ZSCAN5C: variants seen among roughly 807,000 people sequenced by gnomAD.
ZSCAN5C encodes the protein zinc finger and SCAN domain containing 5C, also known as zinc finger and SCAN domain-containing protein 5C.
Under a neutral mutation model 17.3 loss-of-function variants are expected in ZSCAN5C, and 11 were observed. That is an observed-to-expected ratio of 0.64 (90% CI 0.40 to 1.06). The LOEUF (loss-of-function observed/expected upper bound fraction) is 1.06. Among genes scored for constraint, ZSCAN5C ranks in the 50% least tolerant of loss-of-function variants. ZSCAN5C has a pLI of 0.00. For missense variants in ZSCAN5C, 698 were observed against 538.9 expected (o/e 1.30, Z -2.92); for synonymous variants, 229 against 208.4 (o/e 1.10, Z -0.85).
chr19:56,208,333 G>A (rs1405854380), intron 4 of ZSCAN5C, 116 bp from the exon 5 acceptor site: 5 of 759,586 alleles, frequency 6.6e-6, no homozygotes, highest in Non-Finnish European at 1.1e-5. Context: ...ACAGTCCAAT[G>A]TCTTAGGTTT....
rs58447248 is a variant in ZSCAN5C at position 56,207,270 on chromosome 19, T to C, written c.588+8T>C. ...GCACTGTTCAGGAGGCAGGTGGGTG[T>C]GTGAGGCCTTGGTGTCTGGGCAGAG... On this transcript the variant is annotated splice_region_variant and intron_variant, in intron 3 of 4. Coordinates refer to ENST00000534327, the Ensembl canonical transcript of ZSCAN5C. The C allele has an allele frequency of 8.5e-4, 653 of 772,610 alleles. 12 individuals carry two copies. The East Asian group carries it at 0.014, about 17-fold the overall frequency. 47.9% of individuals were successfully genotyped at this position (772,610 alleles called of 1,614,324 possible).
intron 1 of ZSCAN5C, among the ~76,000 whole-genome samples, chr19:56,204,465 TGAC>T (rs2032900788): frequency 6.6e-6 from 1 of 151,722 alleles, no homozygotes; most frequent in African/African-American, 2.4e-5. Context: ...TGATGAGTGA[TGAC>T]GAGCACCTTT....
At chr19:56,205,698 G>C (rs1302534882) in intron 1 of ZSCAN5C, 89 bp from the exon 2 acceptor site, 3 of 539,844 alleles carry the variant, frequency 5.6e-6, no homozygotes, top group Non-Finnish European at 9.9e-6. Flanking sequence ...TAGAGGGGAA[G>C]TGGGGTCTGG....
intron 1 of ZSCAN5C, among the ~76,000 whole-genome samples, chr19:56,203,640 ATTTTTT>A (rs564406569): frequency 1.2e-5 from 1 of 86,814 alleles, no homozygotes; most frequent in African/African-American, 4.9e-5. Flanking sequence ...TCTACTGGGA[ATTTTTT>A]TTTTTTTTTT....
chr19:56,203,727 A>G (rs12974728), intron 1 of ZSCAN5C, among the ~76,000 whole-genome samples: 49,463 of 143,556 alleles, frequency 0.34, 8,496 homozygotes, highest in Middle Eastern at 0.55. Flanking sequence ...TCTGTTCACC[A>G]CAACCTCTGG....
exon 5 of ZSCAN5C, chr19:56,208,479 A>T: frequency 6.1e-6 from 9 of 1,470,366 alleles, no homozygotes; most frequent in African/African-American, 1.4e-5. Context: ...GAGGGGAAGG[A>T]ACCCCAAAAA....
rs2032926967 is a variant in ZSCAN5C at position 56,206,865 on chromosome 19, C to A, written c.385-194C>A. 1.3e-5 allele frequency among the ~76,000 whole-genome samples: 2 copies of A among 151,822 alleles called. 1 individual carries two copies. Among genetic ancestry groups the A allele is most frequent in the African/African-American group, 4.9e-5 (2 of 41,154 alleles). On this transcript the variant is annotated intron_variant, in intron 2 of 4. Transcript: ENST00000534327. ...CTCTTTTCTCTTTGGTTTAGAGACC[C>A]TTTCATCTAAAGGACTCATATTTAT...
exon 2 of ZSCAN5C, chr19:56,206,227 T>A (rs767804047): frequency 1.3e-4 from 198 of 1,573,764 alleles, no homozygotes; most frequent in African/African-American, 3.3e-4. Flanking sequence ...GTCTTAGTCA[T>A]GATGAACGGT....
chr19:56,207,285 T>G, intron 3 of ZSCAN5C, 23 bp downstream of exon 3: 1 of 763,458 alleles, frequency 1.3e-6, no homozygotes, highest in Non-Finnish European at 2.4e-6. Flanking sequence ...GGCCTTGGTG[T>G]CTGGGCAGAG....
At chr19:56,205,110 G>A (rs1230326571) in intron 1 of ZSCAN5C, among the ~76,000 whole-genome samples, 1 of 151,716 alleles carries the variant, frequency 6.6e-6, no homozygotes, top group Non-Finnish European at 1.5e-5. Context: ...ATGAGGATGG[G>A]GTTCCTTTTA....
chr19:56,202,292 G>C (rs1038911827), exon 1 of ZSCAN5C: 17 of 152,202 alleles, frequency 1.1e-4, no homozygotes, highest in African/African-American at 3.2e-4. Flanking sequence ...TCCTAGAAGA[G>C]AGGAGGCTGG....
At chr19:56,205,992 C>A (rs754985060) in exon 2 of ZSCAN5C, 1 of 1,588,888 alleles carries the variant, frequency 6.3e-7, no homozygotes, top group Admixed American at 1.7e-5. Context: ...ACAGTCCATG[C>A]CATCCCCAGC....
downstream of ZSCAN5C, chr19:56,209,416 T>C: frequency 2.1e-6 from 1 of 484,538 alleles, no homozygotes; most frequent in South Asian, 4.2e-5. Flanking sequence ...TTTTGGTTTG[T>C]GTTGCTGTTC....
chr19:56,209,209 T>A, downstream of ZSCAN5C: 2 of 724,448 alleles, frequency 2.8e-6, no homozygotes, highest in Non-Finnish European at 4.9e-6. Flanking sequence ...GACTTCACCA[T>A]CGGGTCTGTC....
At chr19:56,209,436 A>G (rs1196717050), downstream of ZSCAN5C, 2 of 443,062 alleles carry the variant, frequency 4.5e-6, no homozygotes, top group Non-Finnish European at 7.9e-6. Context: ...CTTTCAATAA[A>G]CATCTTATTA....
At chr19:56,208,534 C>T (rs112388036) in exon 5 of ZSCAN5C, 16 of 1,587,914 alleles carry the variant, frequency 1.0e-5, no homozygotes, top group Admixed American at 3.3e-5. Flanking sequence ...CTTCTGCCTG[C>T]GTTGTGGAGA....
At chr19:56,204,782 C>T (rs1345798909) in intron 1 of ZSCAN5C, among the ~76,000 whole-genome samples, 1 of 151,900 alleles carries the variant, frequency 6.6e-6, no homozygotes, top group Non-Finnish European at 1.5e-5. Context: ...CCAGTTTTTT[C>T]TCCCCTCTGC....
intron 1 of ZSCAN5C, among the ~76,000 whole-genome samples, chr19:56,205,033 C>T (rs2032906239): frequency 6.7e-6 from 1 of 150,270 alleles, no homozygotes; most frequent in African/African-American, 2.5e-5. Flanking sequence ...ATAGAGAAAC[C>T]CTTAGAGACA....
chr19:56,206,870 A>G (rs111254240), intron 2 of ZSCAN5C, among the ~76,000 whole-genome samples, 189 bp from the exon 3 acceptor site: 1 of 151,882 alleles, frequency 6.6e-6, no homozygotes, highest in East Asian at 1.9e-4. Flanking sequence ...AGACCCTTTC[A>G]TCTAAAGGAC....
Sources: allele counts gnomAD v4.1 joint callset (sites outside exome capture counted in the v4.1 genomes callset), GRCh38; gene constraint gnomAD v4.1.1; transcripts MANE v1.5; gene names NCBI Gene and HGNC (gene_info 2026-07-23, HGNC 2026-07-21).